FHIP1A: variants seen among roughly 807,000 people sequenced by gnomAD.
FHIP1A encodes the protein FHF complex subunit HOOK interacting protein 1A, also known as FHF complex subunit HOOK-interacting protein 1A.
FHIP1A carries 61 observed loss-of-function variants against 88.6 expected under a neutral mutation model. The ratio of observed to expected loss-of-function variants is 0.69; its 90% CI spans 0.56 to 0.85. The LOEUF is 0.85. FHIP1A is among the 40% of genes least tolerant of loss of function. The pLI is 0.00. For missense variants in FHIP1A, 1,154 were observed against 1,273.5 expected (o/e 0.91, Z 1.43); for synonymous variants, 478 against 496.0 (o/e 0.96, Z 0.48).
intron 11 of FHIP1A, among the ~76,000 whole-genome samples, chr4:151,654,989 GGTAAA>G (rs1207578752): frequency 6.6e-6 from 1 of 152,174 alleles, no homozygotes; most frequent in African/African-American, 2.4e-5. Context: ...TCCCCTGTGT[GGTAAA>G]GGTTTCGGTT....
chr4:151,415,982 T>C (rs1430817341), intron 1 of FHIP1A, among the ~76,000 whole-genome samples: 1 of 152,180 alleles, frequency 6.6e-6, no homozygotes, highest in Non-Finnish European at 1.5e-5. Context: ...AACATTATTT[T>C]AGGACATGCC....
intron 3 of FHIP1A, among the ~76,000 whole-genome samples, chr4:151,489,342 T>C (rs1402008134): frequency 6.6e-6 from 1 of 152,050 alleles, no homozygotes; most frequent in East Asian, 1.9e-4. Context: ...CAGGGGTCTT[T>C]GGGGAAGGGA....
intron 7 of FHIP1A, among the ~76,000 whole-genome samples, chr4:151,611,037 T>C (rs1307796849): frequency 1.6e-4 from 25 of 152,102 alleles, no homozygotes; most frequent in Non-Finnish European, 3.7e-4. Context: ...TAAATGAACA[T>C]GTGAATGTAG....
chr4:151,451,238 A>C (rs1322520662), intron 1 of FHIP1A, among the ~76,000 whole-genome samples: 8 of 151,976 alleles, frequency 5.3e-5, no homozygotes, highest in African/African-American at 1.9e-4. Context: ...GGTTAATAAA[A>C]CTTTCATTAT....
chr4:151,504,602 G>GTTATGTTATT (rs1730764827), intron 3 of FHIP1A, among the ~76,000 whole-genome samples: 1 of 64,248 alleles, frequency 1.6e-5, no homozygotes, highest in African/African-American at 5.1e-5. Flanking sequence ...GTTATGTTAT[G>GTTATGTTATT]TTATGTCATG....
intron 3 of FHIP1A, among the ~76,000 whole-genome samples, chr4:151,563,601 T>A (rs181003497): frequency 6.6e-6 from 1 of 152,344 alleles, no homozygotes; most frequent in East Asian, 1.9e-4. Context: ...CTGCTTTACC[T>A]ACTTACAGCT....
At chr4:151,556,249 AT>A (rs1458336207) in intron 3 of FHIP1A, among the ~76,000 whole-genome samples, 1 of 152,154 alleles carries the variant, frequency 6.6e-6, no homozygotes, top group African/African-American at 2.4e-5. Flanking sequence ...AGTTCATTAT[AT>A]AGTTATTGAT....
chr4:151,649,093 G>A (rs1204091374), intron 10 of FHIP1A, among the ~76,000 whole-genome samples: 4 of 152,096 alleles, frequency 2.6e-5, no homozygotes, highest in African/African-American at 9.7e-5. Context: ...AAACTTTAAG[G>A]TTATTACTCT....
intron 1 of FHIP1A, among the ~76,000 whole-genome samples, chr4:151,454,134 A>G (rs1728890111): frequency 6.7e-6 from 1 of 150,264 alleles, no homozygotes; most frequent in Non-Finnish European, 1.5e-5. Flanking sequence ...TTCAGGTATA[A>G]TACAATGTCC....
intron 1 of FHIP1A, among the ~76,000 whole-genome samples, chr4:151,447,798 A>G (rs1454895042): frequency 6.6e-6 from 1 of 152,206 alleles, no homozygotes; most frequent in South Asian, 2.1e-4. Context: ...GGTACAAAGG[A>G]AGACCATGTG....
At chr4:151,533,584 C>G (rs1296607168) in intron 3 of FHIP1A, among the ~76,000 whole-genome samples, 2 of 152,186 alleles carry the variant, frequency 1.3e-5, no homozygotes, top group Non-Finnish European at 2.9e-5. Context: ...ATTTATTGAT[C>G]ACATAACATG....
intron 7 of FHIP1A, among the ~76,000 whole-genome samples, chr4:151,610,725 C>G (rs573642469): frequency 3.3e-5 from 5 of 152,268 alleles, no homozygotes; most frequent in African/African-American, 9.6e-5. Context: ...CAAATCTTCT[C>G]ATCCTCCAAT....
chr4:151,641,373 A>T (rs1736582245), intron 9 of FHIP1A, among the ~76,000 whole-genome samples: 1 of 152,152 alleles, frequency 6.6e-6, no homozygotes, highest in South Asian at 2.1e-4. Flanking sequence ...ACCTCATAAG[A>T]TTATTGGGAG....
intron 7 of FHIP1A, among the ~76,000 whole-genome samples, chr4:151,610,926 A>T (rs1189491228): frequency 6.6e-6 from 1 of 152,178 alleles, no homozygotes; most frequent in Non-Finnish European, 1.5e-5. Flanking sequence ...GGAACCATAC[A>T]CATTTCTTTA....
In FHIP1A at chr4:151,669,383, T is replaced by C. The variant is rs1737779867; in HGVS notation, c.*6629T>C. On this transcript the variant is annotated 3_prime_UTR_variant, in exon 14 of 14. Coordinates refer to ENST00000435205, the MANE Select transcript of FHIP1A (RefSeq NM_001109977.3). ...TTTGCACTTGACATAATAGTTTTGG[T>C]AAATGTCTTTTTCTGGCTGCACCCC... 1.3e-5 allele frequency among the ~76,000 whole-genome samples: 2 copies of C among 152,234 alleles called. No individual in the cohort carries two copies. Among genetic ancestry groups the C allele is most frequent in the African/African-American group, 4.8e-5 (2 of 41,470 alleles).
intron 3 of FHIP1A, among the ~76,000 whole-genome samples, chr4:151,535,231 G>A (rs902942195): frequency 1.3e-5 from 2 of 152,178 alleles, no homozygotes; most frequent in African/African-American, 4.8e-5. Flanking sequence ...GAAAAATAAA[G>A]GAAATTCCTT....
chr4:151,410,225 C>T (rs1330075166), intron 1 of FHIP1A, among the ~76,000 whole-genome samples: 1 of 152,182 alleles, frequency 6.6e-6, no homozygotes, highest in Admixed American at 6.5e-5. Flanking sequence ...CTGGACCCAC[C>T]CATTCACAGC....
intron 3 of FHIP1A, among the ~76,000 whole-genome samples, chr4:151,540,374 C>G (rs1277854395): frequency 6.6e-6 from 1 of 152,120 alleles, no homozygotes; most frequent in Non-Finnish European, 1.5e-5. Context: ...AGCGGACTAT[C>G]CAGAAATACC....
At chr4:151,511,554 C>T (rs1731030490) in intron 3 of FHIP1A, among the ~76,000 whole-genome samples, 1 of 152,230 alleles carries the variant, frequency 6.6e-6, no homozygotes, top group African/African-American at 2.4e-5. Flanking sequence ...TGACAGACGG[C>T]ACCTGGAAAA....
Sources: allele counts gnomAD v4.1 joint callset (sites outside exome capture counted in the v4.1 genomes callset), GRCh38; gene constraint gnomAD v4.1.1; transcripts MANE v1.5; gene names NCBI Gene and HGNC (gene_info 2026-07-23, HGNC 2026-07-21).